SFXN5: variants seen among roughly 807,000 people sequenced by gnomAD.
SFXN5 encodes the protein sideroflexin 5.
In SFXN5, 43 loss-of-function variants were observed where a neutral mutation model predicts 50.2. The observed-to-expected ratio is 0.86, with a 90% CI of 0.67 to 1.11. The LOEUF is 1.11. SFXN5 is among the 50% of genes least tolerant of loss of function. The pLI, the probability that SFXN5 is intolerant of heterozygous loss-of-function variation, is 0.00. For missense variants in SFXN5, 463 were observed against 454.1 expected (o/e 1.02, Z -0.18); for synonymous variants, 203 against 185.8 (o/e 1.09, Z -0.75).
intron 2 of SFXN5, among the ~76,000 whole-genome samples, chr2:73,051,982 G>T (rs889914950): frequency 2.6e-5 from 4 of 151,952 alleles, no homozygotes; most frequent in Non-Finnish European, 5.9e-5. Context: ...TGTATGGCGT[G>T]GACACATTCA....
intron 6 of SFXN5, 28 bp from the exon 7 acceptor site, chr2:73,001,606 A>C: frequency 6.2e-7 from 1 of 1,612,292 alleles, no homozygotes; most frequent in Non-Finnish European, 8.5e-7. Flanking sequence ...GAAATGCTGA[A>C]AAAGGCAGAA....
At chr2:73,027,648 T>A (rs1205557300) in intron 3 of SFXN5, among the ~76,000 whole-genome samples, 1 of 152,020 alleles carries the variant, frequency 6.6e-6, no homozygotes, top group East Asian at 1.9e-4. Flanking sequence ...TATGAAGGTG[T>A]ATCATTTTTT....
intron 6 of SFXN5, among the ~76,000 whole-genome samples, chr2:73,010,085 A>G (rs1368495253): frequency 1.3e-5 from 2 of 152,214 alleles, no homozygotes; most frequent in African/African-American, 4.8e-5. Flanking sequence ...TATCTTTTAA[A>G]GTGTTGATGG....
intron 3 of SFXN5, among the ~76,000 whole-genome samples, chr2:73,029,889 T>C (rs566430619): frequency 3.9e-5 from 6 of 152,044 alleles, no homozygotes; most frequent in Admixed American, 1.3e-4. Flanking sequence ...CTGGGCAACA[T>C]GGCGAAATCC....
chr2:72,998,258 T>C (rs1286966241), intron 9 of SFXN5: 1 of 152,188 alleles, frequency 6.6e-6, no homozygotes, highest in African/African-American at 2.4e-5. Context: ...GGGACAAGCA[T>C]GCAGAAGGTC....
intron 1 of SFXN5, chr2:73,059,198 G>A (rs1682543577): frequency 1.0e-6 from 1 of 986,026 alleles, no homozygotes; most frequent in African/African-American, 1.7e-5. Flanking sequence ...GAAAAGGAGG[G>A]CTTTATGCTA....
chr2:72,981,798 T>C (rs1671330395), intron 10 of SFXN5, among the ~76,000 whole-genome samples: 2 of 152,222 alleles, frequency 1.3e-5, no homozygotes, highest in African/African-American at 4.8e-5. Flanking sequence ...ATTCCTTTGA[T>C]AACATGATCT....
intron 1 of SFXN5, chr2:73,070,361 G>A (rs1163693073): frequency 6.6e-6 from 1 of 152,112 alleles, no homozygotes; most frequent in East Asian, 1.9e-4. Context: ...CAGGAGCCAA[G>A]TTCCCTAATT....
At chr2:72,957,774 T>A (rs1052197780) in intron 13 of SFXN5, among the ~76,000 whole-genome samples, 1 of 152,248 alleles carries the variant, frequency 6.6e-6, no homozygotes, top group Non-Finnish European at 1.5e-5. Context: ...TTTGGTGCCA[T>A]GGGTCCCAAA....
At chr2:73,026,236 T>G (rs1677537367) in intron 3 of SFXN5, among the ~76,000 whole-genome samples, 1 of 151,036 alleles carries the variant, frequency 6.6e-6, no homozygotes, top group African/African-American at 2.4e-5. Context: ...CAAGTGATTC[T>G]TGTGCCTCAG....
intron 6 of SFXN5, among the ~76,000 whole-genome samples, chr2:73,011,012 A>C (rs1675435900): frequency 6.6e-6 from 1 of 152,246 alleles, no homozygotes; most frequent in South Asian, 2.1e-4. Flanking sequence ...GGATATTATA[A>C]AAACAAAAGC....
At chr2:72,998,846 A>G in intron 9 of SFXN5, 103 bp downstream of exon 9, 1 of 1,319,288 alleles carries the variant, frequency 7.6e-7, no homozygotes, top group Non-Finnish European at 1.1e-6. Flanking sequence ...TGTCTCCCAA[A>G]TCCTTGCCTG....
rs888603991 is a variant in SFXN5 at position 72,988,158 on chromosome 2, G to A, written c.625+100C>T. On this transcript the variant is annotated intron_variant, in intron 10 of 13. Coordinates refer to ENST00000272433, the MANE Select transcript of SFXN5 (RefSeq NM_144579.3). ...AATTCTCCCAGCTGGGTGCCCCCTG[G>A]GCATCAGGAGAGGTGTGGAAGGGTC... is the stretch of plus-strand genomic sequence containing the variant. 8 of 1,067,012 alleles carry A rather than the reference G, an allele frequency of 7.5e-6. 1 individual carries two copies. The Admixed American group carries it at 2.1e-4, about 27-fold the overall frequency. The allele number at this position is 1,067,012 out of a possible 1,614,324, so 66.1% of individuals were successfully genotyped here. A position where few individuals can be genotyped will look rare whatever the true frequency, so the allele number is the denominator to read the frequency against.
intron 1 of SFXN5, among the ~76,000 whole-genome samples, chr2:73,068,189 G>A (rs1683309530): frequency 6.6e-6 from 1 of 152,196 alleles, no homozygotes; most frequent in African/African-American, 2.4e-5. Flanking sequence ...AACAAATCCT[G>A]CAGAAAGCGG....
intron 6 of SFXN5, among the ~76,000 whole-genome samples, chr2:73,014,826 A>G (rs1675953286): frequency 6.6e-6 from 1 of 152,220 alleles, no homozygotes; most frequent in Admixed American, 6.5e-5. Context: ...TTATAGGCAT[A>G]CAAAATTTTT....
intron 13 of SFXN5, among the ~76,000 whole-genome samples, chr2:72,947,825 C>T (rs1033830970): frequency 2.7e-5 from 4 of 150,694 alleles, no homozygotes; most frequent in African/African-American, 2.5e-5. Context: ...CCCACCCCAC[C>T]CCTGCCACCC....
intron 1 of SFXN5, among the ~76,000 whole-genome samples, chr2:73,065,197 C>A (rs1006818984): frequency 1.2e-4 from 19 of 152,066 alleles, no homozygotes; most frequent in Middle Eastern, 3.2e-3. Flanking sequence ...GACTTCTGGA[C>A]TCAAGGGATC....
At chr2:73,056,313 C>T (rs1399430414) in intron 2 of SFXN5, among the ~76,000 whole-genome samples, 13 of 150,652 alleles carry the variant, frequency 8.6e-5, no homozygotes, top group Admixed American at 2.0e-4. Flanking sequence ...ACCTGGGAGG[C>T]GGAGGTTGCA....
chr2:73,000,567 C>A, intron 7 of SFXN5, 80 bp from the exon 8 acceptor site: 14 of 1,379,754 alleles, frequency 1.0e-5, no homozygotes, highest in Non-Finnish European at 1.3e-5. Context: ...GGAGGCCACA[C>A]ATCCCCAGAA....
Sources: gnomAD v4.1 joint callset for allele counts (sites outside exome capture counted in the v4.1 genomes callset) on GRCh38, gnomAD v4.1.1 for gene constraint, MANE v1.5 for transcripts, NCBI Gene and HGNC (gene_info 2026-07-23, HGNC 2026-07-21) for gene names.